Variants in AP1G1 observed in about 807,000 individuals in gnomAD.
The protein encoded by AP1G1 is adaptor related protein complex 1 subunit gamma 1.
In AP1G1, 7 loss-of-function variants were observed where a neutral mutation model predicts 108.3. The ratio of observed to expected loss-of-function variants is 0.06; its 90% CI spans 0.04 to 0.12. The LOEUF (loss-of-function observed/expected upper bound fraction) is 0.12, where lower values mean the gene tolerates loss of function less well. Ranked by LOEUF, AP1G1 falls within the 10% of genes least tolerant of loss-of-function variation. The pLI is 1.00. For missense variants in AP1G1, 756 were observed against 1,010.7 expected (o/e 0.75, Z 3.42); for synonymous variants, 379 against 353.5 (o/e 1.07, Z -0.81).
chr16:71,752,636 T>A (rs1303674755), intron 13 of AP1G1, among the ~76,000 whole-genome samples: 1 of 152,134 alleles, frequency 6.6e-6, no homozygotes, highest in Non-Finnish European at 1.5e-5. Flanking sequence ...TCCTATTATT[T>A]TTTCAGGCTA....
intron 1 of AP1G1, among the ~76,000 whole-genome samples, chr16:71,791,762 A>AT (rs1162720361): frequency 3.9e-4 from 43 of 109,182 alleles, no homozygotes; most frequent in Non-Finnish European, 7.3e-4. Flanking sequence ...CTAAACTCTG[A>AT]CTTTTTTTTT....
chr16:71,807,297 C>A (rs1388766536), intron 1 of AP1G1, among the ~76,000 whole-genome samples: 1 of 152,108 alleles, frequency 6.6e-6, no homozygotes, highest in Non-Finnish European at 1.5e-5. Context: ...CCGGGCGTGG[C>A]GGCGTGTGCC....
intron 11 of AP1G1, among the ~76,000 whole-genome samples, chr16:71,756,917 T>A (rs1311880207): frequency 8.2e-6 from 1 of 121,680 alleles, no homozygotes; most frequent in African/African-American, 3.3e-5. Context: ...GGAAACAGAG[T>A]GAGACTCTGT....
chr16:71,804,442 T>C (rs2032926794), intron 1 of AP1G1, among the ~76,000 whole-genome samples: 1 of 126,952 alleles, frequency 7.9e-6, no homozygotes, highest in South Asian at 2.6e-4. Context: ...AGAGCCTCCA[T>C]CTGTCACCCA....
At chr16:71,734,025 G>C (rs2045502933) in intron 22 of AP1G1, among the ~76,000 whole-genome samples, 1 of 152,200 alleles carries the variant, frequency 6.6e-6, no homozygotes, top group Non-Finnish European at 1.5e-5. Context: ...GTGAATAGCA[G>C]AGGAAAGGCA....
intron 2 of AP1G1, among the ~76,000 whole-genome samples, chr16:71,776,164 T>C (rs2031774042): frequency 6.6e-6 from 1 of 152,210 alleles, no homozygotes; most frequent in South Asian, 2.1e-4. Context: ...TATGAATTTA[T>C]CTACTAAATT....
intron 2 of AP1G1, among the ~76,000 whole-genome samples, chr16:71,785,440 G>A (rs146273199): frequency 9.9e-5 from 15 of 152,088 alleles, no homozygotes; most frequent in Non-Finnish European, 2.2e-4. Context: ...GCCGGGTGTG[G>A]TGGCAGGTGC....
At chr16:71,783,586 A>G (rs892318015) in intron 2 of AP1G1, among the ~76,000 whole-genome samples, 1 of 152,208 alleles carries the variant, frequency 6.6e-6, no homozygotes, top group Non-Finnish European at 1.5e-5. Flanking sequence ...TACAGAAAAC[A>G]TTGTAAAATT....
intron 2 of AP1G1, among the ~76,000 whole-genome samples, chr16:71,777,076 C>T (rs2145496395): frequency 7.6e-6 from 1 of 131,820 alleles, no homozygotes; most frequent in Admixed American, 8.6e-5. Context: ...CGCCACTGCA[C>T]TCCAGCCTAG....
intron 11 of AP1G1, 143 bp from the exon 12 acceptor site, chr16:71,756,302 C>T (rs778135132): frequency 4.8e-6 from 3 of 622,014 alleles, no homozygotes; most frequent in African/African-American, 1.9e-5. Flanking sequence ...TCTTTGCACA[C>T]GAAATAACCA....
At chr16:71,806,268 T>C (rs1179822166) in intron 1 of AP1G1, among the ~76,000 whole-genome samples, 1 of 152,124 alleles carries the variant, frequency 6.6e-6, no homozygotes, top group East Asian at 1.9e-4. Context: ...AAACGGAGGT[T>C]TCCTAAACGC....
intron 10 of AP1G1, 145 bp downstream of exon 10, chr16:71,761,367 G>A (rs2031076625): frequency 1.5e-5 from 10 of 675,580 alleles, no homozygotes; most frequent in Middle Eastern, 4.0e-4. Context: ...TCACAAAACA[G>A]TGTTTTAAGA....
At chr16:71,807,433 AAAAT>A (rs1161350702) in intron 1 of AP1G1, among the ~76,000 whole-genome samples, 3 of 152,370 alleles carry the variant, frequency 2.0e-5, no homozygotes, top group Non-Finnish European at 4.4e-5. Context: ...TTCGTCTCAA[AAAAT>A]AAATAAATAA....
At chr16:71,757,084 G>GT (rs2030831322) in intron 11 of AP1G1, among the ~76,000 whole-genome samples, 1 of 152,184 alleles carries the variant, frequency 6.6e-6, no homozygotes, top group Non-Finnish European at 1.5e-5. Flanking sequence ...TGTAAAAGCT[G>GT]TAAGGTTGCT....
chr16:71,787,042 C>T (rs779446736), intron 2 of AP1G1, among the ~76,000 whole-genome samples: 4 of 151,352 alleles, frequency 2.6e-5, no homozygotes, highest in East Asian at 3.9e-4. Flanking sequence ...TAGCTGGGCC[C>T]GGGCACAGTG....
intron 19 of AP1G1, among the ~76,000 whole-genome samples, chr16:71,740,381 C>A (rs773940486): frequency 6.6e-5 from 10 of 152,156 alleles, no homozygotes; most frequent in Non-Finnish European, 1.3e-4. Context: ...AGTTGAGAAC[C>A]GATTACCCCT....
intron 19 of AP1G1, chr16:71,742,510 TAGGTCAA>T (rs1254955768): frequency 2.6e-5 from 4 of 152,180 alleles, no homozygotes; most frequent in Non-Finnish European, 4.4e-5. Context: ...ATGCACTGAA[TAGGTCAA>T]TGGGCCTCAC....
At chr16:71,782,968 G>A (rs996962410) in intron 2 of AP1G1, among the ~76,000 whole-genome samples, 1 of 152,108 alleles carries the variant, frequency 6.6e-6, no homozygotes, top group African/African-American at 2.4e-5. Context: ...TCTTTCCAAT[G>A]GGCTGAAAAT....
At chr16:71,783,604 G>C (rs1385845803) in intron 2 of AP1G1, among the ~76,000 whole-genome samples, 1 of 152,040 alleles carries the variant, frequency 6.6e-6, no homozygotes, top group Non-Finnish European at 1.5e-5. Flanking sequence ...ATTTAGAGAA[G>C]CTAAAGAAGT....
Sources: gnomAD v4.1 joint callset for allele counts (sites outside exome capture counted in the v4.1 genomes callset) on GRCh38, gnomAD v4.1.1 for gene constraint, MANE v1.5 for transcripts, NCBI Gene and HGNC (gene_info 2026-07-23, HGNC 2026-07-21) for gene names.